WWOX: variants seen among roughly 807,000 people sequenced by gnomAD.
WWOX encodes WW domain containing oxidoreductase.
WWOX carries 69 observed loss-of-function variants against 46.2 expected under a neutral mutation model. The ratio of observed to expected loss-of-function variants is 1.49; its 90% CI spans 1.23 to 1.82. The LOEUF is 1.82. Among genes scored for constraint, WWOX ranks in the 40% most tolerant of loss-of-function variants. The pLI, the probability that WWOX is intolerant of heterozygous loss-of-function variation, is 0.00. For synonymous variants in WWOX, 359 were observed against 202.6 expected (o/e 1.77, Z -6.56); for missense variants, 919 against 542.6 (o/e 1.69, Z -6.89).
intron 8 of WWOX, among the ~76,000 whole-genome samples, chr16:78,947,305 G>A (rs955644277): frequency 1.3e-5 from 2 of 152,184 alleles, no homozygotes; most frequent in African/African-American, 4.8e-5. Context: ...AAGCAATAAA[G>A]GCAGGAACGC....
At chr16:78,328,572 C>A (rs552933774) in intron 5 of WWOX, among the ~76,000 whole-genome samples, 2 of 152,066 alleles carry the variant, frequency 1.3e-5, no homozygotes, top group Non-Finnish European at 2.9e-5. Context: ...TTATTGTAGG[C>A]CTGTATTCAA....
intron 8 of WWOX, among the ~76,000 whole-genome samples, chr16:78,450,392 T>G (rs966960313): frequency 1.3e-5 from 2 of 152,186 alleles, no homozygotes; most frequent in African/African-American, 4.8e-5. Flanking sequence ...TTTGAAGTAC[T>G]GAGAGAGAAA....
intron 8 of WWOX, among the ~76,000 whole-genome samples, chr16:78,634,432 G>A (rs1300251506): frequency 2.0e-5 from 3 of 152,196 alleles, no homozygotes; most frequent in Non-Finnish European, 2.9e-5. Context: ...GGACAGCCGG[G>A]CGCAGTGGCT....
chr16:79,092,028 G>T (rs886116333), intron 8 of WWOX, among the ~76,000 whole-genome samples: 3 of 151,830 alleles, frequency 2.0e-5, no homozygotes, highest in South Asian at 4.2e-4. Context: ...ATCTTTTCTC[G>T]CCTCGGCCTC....
At chr16:79,006,359 A>AT (rs1181093340) in intron 8 of WWOX, among the ~76,000 whole-genome samples, 4 of 152,146 alleles carry the variant, frequency 2.6e-5, no homozygotes, top group African/African-American at 9.7e-5. Flanking sequence ...GAGTGTCTGC[A>AT]TGGCACCGGC....
intron 8 of WWOX, among the ~76,000 whole-genome samples, chr16:78,587,126 A>G (rs562929788): frequency 1.3e-5 from 2 of 150,856 alleles, no homozygotes; most frequent in East Asian, 3.9e-4. Context: ...CCCAGGCTCA[A>G]CCTATCCTCT....
At chr16:78,993,948 G>A (rs961793405) in intron 8 of WWOX, among the ~76,000 whole-genome samples, 1 of 152,200 alleles carries the variant, frequency 6.6e-6, no homozygotes, top group Non-Finnish European at 1.5e-5. Flanking sequence ...GAACAGTGTG[G>A]CATTGTTCCC....
chr16:78,756,106 G>T (rs1278825328), intron 8 of WWOX, among the ~76,000 whole-genome samples: 1 of 152,178 alleles, frequency 6.6e-6, no homozygotes, highest in East Asian at 1.9e-4. Context: ...AAGAATGATG[G>T]AAAGGGGAGG....
At chr16:79,025,023 C>T (rs548127321) in intron 8 of WWOX, among the ~76,000 whole-genome samples, 18 of 152,284 alleles carry the variant, frequency 1.2e-4, no homozygotes, top group Non-Finnish European at 2.4e-4. Context: ...ACCGCCAGGC[C>T]CAGTTGGGGA....
chr16:78,594,023 A>G (rs1340197416), intron 8 of WWOX, among the ~76,000 whole-genome samples: 1 of 152,162 alleles, frequency 6.6e-6, no homozygotes, highest in Non-Finnish European at 1.5e-5. Context: ...GTCTCCTGTC[A>G]ATTGGGAAAA....
intron 8 of WWOX, among the ~76,000 whole-genome samples, chr16:78,676,400 A>G (rs1473436728): frequency 7.4e-6 from 1 of 135,988 alleles, no homozygotes; most frequent in Non-Finnish European, 1.5e-5. Flanking sequence ...CTCCATATTT[A>G]CTATTTTTTT....
chr16:78,374,501 T>G (rs978407654), intron 5 of WWOX, among the ~76,000 whole-genome samples: 3 of 151,492 alleles, frequency 2.0e-5, no homozygotes, highest in Non-Finnish European at 4.4e-5. Flanking sequence ...TATGGTGTTT[T>G]GAGTCCTCAA....
At chr16:78,295,668 AC>A (rs1376174616) in intron 5 of WWOX, among the ~76,000 whole-genome samples, 6 of 152,196 alleles carry the variant, frequency 3.9e-5, no homozygotes, top group Non-Finnish European at 8.8e-5. Context: ...CCAAGATCGC[AC>A]CACTGGACTC....
rs967380838 is a variant in WWOX at position 78,360,071 on chromosome 16, T to C, written c.517-26789T>C. Among the ~76,000 whole-genome samples the C allele has an allele frequency of 4.6e-5, 7 of 152,260 alleles. No individual in the cohort carries two copies. The East Asian group carries it at 1.2e-3, about 25-fold the overall frequency. ...CAAAAAGGAGGATACCAATTTAAGC[T>C]TGTCAAAAAGATTTTCCCCCAAAAG... is the stretch of plus-strand genomic sequence containing the variant. On this transcript the variant is annotated intron_variant, in intron 5 of 8. Coordinates refer to ENST00000566780, the MANE Select transcript of WWOX (RefSeq NM_016373.4).
rs1359117541 is a variant in WWOX, at chr16:78,344,383, T to C, written c.517-42477T>C. 1.6e-5 allele frequency among the ~76,000 whole-genome samples: 2 copies of C among 121,466 alleles called. 1 individual carries two copies. Among genetic ancestry groups the C allele is most frequent in the Non-Finnish European group, 3.9e-5 (2 of 50,834 alleles). 79.7% of individuals were successfully genotyped at this position (121,466 alleles called of 152,430 possible). The stretch of plus-strand genomic sequence containing the variant: ...TATTTGCTTAAATAAATAGGCCATA[T>C]AAATCTAGCTCCCAATGTCCATTTT... On this transcript the variant is annotated intron_variant, in intron 5 of 8. Transcript: ENST00000566780.
intron 5 of WWOX, among the ~76,000 whole-genome samples, chr16:78,372,302 C>T (rs1174800771): frequency 6.6e-6 from 1 of 152,138 alleles, no homozygotes; most frequent in Non-Finnish European, 1.5e-5. Flanking sequence ...GTCCTTCATG[C>T]TTAGATATGG....
At chr16:78,797,691 C>G (rs540867240) in intron 8 of WWOX, among the ~76,000 whole-genome samples, 2 of 152,274 alleles carry the variant, frequency 1.3e-5, no homozygotes, top group South Asian at 2.1e-4. Context: ...AATCTCCAGG[C>G]AAAAATCCAC....
chr16:79,055,085 C>A (rs368922289), intron 8 of WWOX, among the ~76,000 whole-genome samples: 1 of 152,024 alleles, frequency 6.6e-6, no homozygotes, highest in Non-Finnish European at 1.5e-5. Flanking sequence ...TCAATAATAG[C>A]CAGTGAATAT....
intron 8 of WWOX, among the ~76,000 whole-genome samples, chr16:78,858,690 AT>A (rs1032210046): frequency 1.3e-5 from 2 of 151,558 alleles, no homozygotes; most frequent in Non-Finnish European, 2.9e-5. Context: ...TGTCCTTTTT[AT>A]TTTTTTGAGA....
Sources: gnomAD v4.1 joint callset for allele counts (sites outside exome capture counted in the v4.1 genomes callset) on GRCh38, gnomAD v4.1.1 for gene constraint, MANE v1.5 for transcripts, NCBI Gene and HGNC (gene_info 2026-07-23, HGNC 2026-07-21) for gene names.